The following TGM5 variants were observed in gnomAD, a reference collection of about 807,000 sequenced individuals.
The protein encoded by TGM5 is protein-glutamine gamma-glutamyltransferase 5.
A neutral mutation model predicts 77.2 loss-of-function variants in TGM5; 69 were observed. That is an observed-to-expected ratio of 0.89 (90% CI 0.74 to 1.09). The LOEUF is 1.09. TGM5 is among the 50% of genes least tolerant of loss of function. The pLI, the probability that TGM5 is intolerant of heterozygous loss-of-function variation, is 0.00. For synonymous variants in TGM5, 346 were observed against 351.8 expected, an observed-to-expected ratio of 0.98 and a Z score of 0.18; for missense variants, 842 against 896.5, an observed-to-expected ratio of 0.94 and a Z score of 0.78.
rs1432296011 is a variant in TGM5, at chr15:43,238,390, A to G, written c.1345+427T>C. On this transcript the variant is annotated intron_variant, in intron 9 of 12. Transcript: ENST00000220420. ...CAGCCTCTGGCCGTGCCGTTCCCAC[A>G]GGGAGGAGTGGTGGGAGTGAACATC... Among the ~76,000 whole-genome samples the G allele has an allele frequency of 3.9e-5, 6 of 152,344 alleles. No individual in the cohort carries two copies. The East Asian group carries it at 1.2e-3, about 29-fold the overall frequency.
rs201893269 is a variant in TGM5 at position 43,239,137 on chromosome 15, C to T, written c.1105+26G>A. The T allele has an allele frequency of 1.3e-3, 2,040 of 1,614,086 alleles. 10 individuals carry two copies. The highest frequency in any genetic ancestry group is 2.6e-3 in the Middle Eastern group (16 of 6,060). ...TGGGGTGCTTTCCACGGGAGCGGGGCCTGCCTTTCTTCTGGAGAGCCTCAC... is the reference window on the plus strand; with the variant it reads ...TGGGGTGCTTTCCACGGGAGCGGGGTCTGCCTTTCTTCTGGAGAGCCTCAC... On this transcript the variant is annotated intron_variant, in intron 8 of 12. Transcript: ENST00000220420.
At chr15:43,262,456 T>G (rs2042796006) in intron 1 of TGM5, among the ~76,000 whole-genome samples, 1 of 152,206 alleles carries the variant, frequency 6.6e-6, no homozygotes, top group Non-Finnish European at 1.5e-5. Flanking sequence ...AATCCAACAT[T>G]CTTTCATGAT....
intron 1 of TGM5, among the ~76,000 whole-genome samples, chr15:43,262,336 CT>C (rs1165266738): frequency 1.3e-5 from 2 of 152,196 alleles, no homozygotes; most frequent in African/African-American, 4.8e-5. Context: ...TTCTTAGCTA[CT>C]TTTTTGTCTG....
chr15:43,243,223 C>T (rs780323329), intron 6 of TGM5, among the ~76,000 whole-genome samples: 1 of 152,232 alleles, frequency 6.6e-6, no homozygotes, highest in Non-Finnish European at 1.5e-5. Flanking sequence ...TATCATTACT[C>T]AACCATTAAC....
chr15:43,233,807 A>C (rs1001033760), intron 11 of TGM5, 120 bp from the exon 12 acceptor site: 3 of 1,207,752 alleles, frequency 2.5e-6, no homozygotes, highest in Non-Finnish European at 3.6e-6. Flanking sequence ...CCACTTTGGC[A>C]TAAGAATTCT....
chr15:43,241,312 C>T (rs180799755), intron 6 of TGM5: 43 of 412,734 alleles, frequency 1.0e-4, no homozygotes, highest in Non-Finnish European at 1.8e-4. Flanking sequence ...ACTCAGAGGC[C>T]TGACTCAACT....
chr15:43,257,762 T>C (rs2042752849), intron 3 of TGM5, among the ~76,000 whole-genome samples: 1 of 152,164 alleles, frequency 6.6e-6, no homozygotes, highest in African/African-American at 2.4e-5. Flanking sequence ...CATGCTGCTA[T>C]AAAGACACAT....
rs1474929525 is a variant in TGM5, at chr15:43,236,116, G to A, written c.1346-279C>T. 2.6e-5 allele frequency among the ~76,000 whole-genome samples: 4 copies of A among 152,182 alleles called. No homozygotes were observed. The South Asian group carries it at 8.3e-4, about 32-fold the overall frequency. On this transcript the variant is annotated intron_variant, in intron 9 of 12. Coordinates refer to ENST00000220420, the MANE Select transcript of TGM5 (RefSeq NM_201631.4). ...GATAAAGAAAAGGAGGCTAATGGAA[G>A]TCATGTCACCTGCCCAAGTCACACA...
intron 1 of TGM5, among the ~76,000 whole-genome samples, chr15:43,262,866 G>A (rs2042799795): frequency 6.6e-6 from 1 of 152,172 alleles, no homozygotes; most frequent in Non-Finnish European, 1.5e-5. Context: ...CATTCTACTA[G>A]AGGTTCTAGC....
chr15:43,253,495 A>G lies in TGM5; in HGVS notation c.684+11T>C. On this transcript the variant is annotated intron_variant, in intron 5 of 12. Transcript: ENST00000220420. The stretch of plus-strand genomic sequence containing the variant: ...AGCTTCCTCCCTCCCCGGGCACGCC[A>G]GGGACCTCACCATGGCACACACCAC... The G allele has an allele frequency of 6.2e-7, 1 of 1,610,622 alleles. No homozygotes were observed. The highest frequency in any genetic ancestry group is 8.5e-7 in the Non-Finnish European group (1 of 1,179,982).
Position 43,260,099 on chromosome 15 carries a change from G to A in TGM5, c.389C>T (p.Ala130Val), listed in dbSNP as rs1332934087. The A allele has an allele frequency of 6.2e-7, 1 of 1,614,044 alleles. No homozygotes were observed. The highest frequency in any genetic ancestry group is 8.5e-7 in the Non-Finnish European group (1 of 1,180,054). ...CAGGATGAACTCCCCTAGCTGGTAG[G>A]CCGTCACAGACCCCTGGAAGGAGTC... Reference protein sequence around the residue: ...HIDSFQGSVTAYQLGEFILLF... With the variant: ...HIDSFQGSVTVYQLGEFILLF... The change falls in exon 3 of 13, where the codon GCC becomes GTC. Residue 130 changes from alanine (A) to valine (V), a missense_variant. By Grantham distance (64) the Ala-to-Val change is moderately conservative. Around this residue, in one of 2 missense-constraint regions of TGM5, gnomAD observed 815 missense variants for 844.6 expected, o/e 0.96. Transcript: ENST00000220420.
At chr15:43,261,476 C>G (rs1378014217) in intron 1 of TGM5, among the ~76,000 whole-genome samples, 3 of 152,296 alleles carry the variant, frequency 2.0e-5, no homozygotes, top group East Asian at 3.9e-4. Context: ...ATGCTGACAA[C>G]AGTCAAAGAA....
chr15:43,265,094 G>T (rs935617690), intron 1 of TGM5, among the ~76,000 whole-genome samples: 2 of 152,182 alleles, frequency 1.3e-5, no homozygotes, highest in Non-Finnish European at 2.9e-5. Context: ...TGCCAGGTAC[G>T]CTAGGACAGT....
chr15:43,244,291 A>G (rs1475853290), intron 6 of TGM5, among the ~76,000 whole-genome samples: 6 of 152,324 alleles, frequency 3.9e-5, no homozygotes, highest in East Asian at 1.9e-4. Context: ...GCATTTCTAC[A>G]TTCCTAGTAC....
chr15:43,256,569 T>C lies in TGM5; in HGVS notation c.554A>G (p.Gln185Arg), dbSNP rs1299114706. ...GCCATAAGCAGGGCTGAGACTCACC[T>C]GTCCATAGTTCCAGGGACATGGGCG... ...WIRPCPWNYG[Q>R]FEDKIIDICL... Residue 185 changes from glutamine to arginine, a missense_variant and splice_region_variant, in exon 4 of 13, where the codon CAG becomes CGG. Gln to Arg is a conservative substitution (Grantham distance 43, BLOSUM62 1). Transcript: ENST00000220420. 6.2e-7 allele frequency: 1 copy of C among 1,613,298 alleles called. No homozygotes were observed. Among genetic ancestry groups the C allele is most frequent in the Non-Finnish European group, 8.5e-7 (1 of 1,179,190 alleles).
chr15:43,244,097 C>T (rs1186201330), intron 6 of TGM5, among the ~76,000 whole-genome samples: 1 of 152,228 alleles, frequency 6.6e-6, no homozygotes, highest in Non-Finnish European at 1.5e-5. Context: ...GCACCTTCCT[C>T]TGTGAAGTTT....
At chr15:43,254,998 C>G (rs1034000420) in intron 4 of TGM5, among the ~76,000 whole-genome samples, 2 of 152,130 alleles carry the variant, frequency 1.3e-5, no homozygotes, top group Admixed American at 6.6e-5. Context: ...AGCACCCTGC[C>G]TGGCACTGAG....
At chr15:43,263,337 G>A (rs1372481609) in intron 1 of TGM5, among the ~76,000 whole-genome samples, 1 of 152,196 alleles carries the variant, frequency 6.6e-6, no homozygotes, top group Non-Finnish European at 1.5e-5. Context: ...AAATTGATAA[G>A]TGGATCCTAA....
chr15:43,235,664 C>T lies in TGM5; in HGVS notation c.1519G>A (p.Val507Ile). 1 of 1,614,172 alleles carries T rather than the reference C, an allele frequency of 6.2e-7. No homozygotes were observed. The highest frequency in any genetic ancestry group is 8.5e-7 in the Non-Finnish European group (1 of 1,180,038). Residue 507 changes from valine (V) to isoleucine (I), a missense_variant, in exon 10 of 13, where the codon GTC becomes ATC. By Grantham distance (29) the Val-to-Ile change is conservative. Coordinates refer to ENST00000220420, the MANE Select transcript of TGM5 (RefSeq NM_201631.4). ...PSLRPSDVVQ[V>I]SLKFKLLDPP... is the part of the protein sequence containing the mutation. The stretch of plus-strand genomic sequence containing the variant: ...TCGAGCAGCTTGAATTTCAGGGAGA[C>T]TTGCACCACATCACTGGGTCGAAGG...
Sources: gnomAD v4.1 joint callset for allele counts (sites outside exome capture counted in the v4.1 genomes callset) on GRCh38, gnomAD v4.1.1 for gene constraint, gnomAD v4.1.1 regional missense constraint, MANE v1.5 for transcripts, NCBI Gene and HGNC (gene_info 2026-07-23, HGNC 2026-07-21) for gene names.